CLTCL1: variants seen among roughly 807,000 people sequenced by gnomAD.
The protein encoded by CLTCL1 is clathrin heavy chain 2.
In CLTCL1, 159 loss-of-function variants were observed where a neutral mutation model predicts 190.0. The ratio of observed to expected loss-of-function variants is 0.84; its 90% CI spans 0.74 to 0.95. The LOEUF (loss-of-function observed/expected upper bound fraction) is 0.95, where lower values mean the gene tolerates loss of function less well. Ranked by LOEUF, CLTCL1 falls within the 40% of genes least tolerant of loss-of-function variation. The pLI is 0.00. For synonymous variants in CLTCL1, 752 were observed against 769.6 expected (o/e 0.98, Z 0.38); for missense variants, 1,878 against 2,033.4 (o/e 0.92, Z 1.47).
intron 2 of CLTCL1, among the ~76,000 whole-genome samples, chr22:19,270,547 G>A (rs2087277230): frequency 6.6e-6 from 1 of 151,796 alleles, no homozygotes; most frequent in East Asian, 2.0e-4. Context: ...CTAACATGGT[G>A]AAACCCCGTC....
At chr22:19,287,267 G>A (rs2087939372) in intron 1 of CLTCL1, among the ~76,000 whole-genome samples, 1 of 152,148 alleles carries the variant, frequency 6.6e-6, no homozygotes, top group Admixed American at 6.5e-5. Flanking sequence ...ACCCTGGGAA[G>A]AGTGTCATTA....
chr22:19,272,445 T>C (rs1386785362), intron 2 of CLTCL1, among the ~76,000 whole-genome samples: 4 of 151,982 alleles, frequency 2.6e-5, no homozygotes, highest in Admixed American at 2.0e-4. Context: ...CCCTTTTAAT[T>C]TTTTTTTGAG....
chr22:19,250,051 C>A (rs189315690), intron 3 of CLTCL1: 1 of 224,566 alleles, frequency 4.5e-6, no homozygotes, highest in Non-Finnish European at 9.4e-6. Flanking sequence ...GTCAGGAGTT[C>A]AAGACCAGCC....
Position 19,198,911 on chromosome 22 carries a change from T to G in CLTCL1, c.3873+823A>C, listed in dbSNP as rs1302417906. On this transcript the variant is annotated intron_variant, in intron 24 of 32. Transcript: ENST00000427926. The surrounding 1 kb of genome is among the most constrained non-coding windows in gnomAD (Gnocchi z 4.1). ...GACTAAATTGTTCTTTTGTCAGCCC[T>G]GTACTGCTTGATCACCCTCCCTGTT... Among the ~76,000 whole-genome samples the G allele has an allele frequency of 3.3e-5, 5 of 152,202 alleles. No individual in the cohort carries two copies. Among genetic ancestry groups the G allele is most frequent in the Admixed American group, 3.3e-4 (5 of 15,282 alleles).
rs558553969 is a variant in CLTCL1 at position 19,265,642 on chromosome 22, T to C, written c.250+9981A>G. Among the ~76,000 whole-genome samples, 262 of 152,248 alleles carry C rather than the reference T, an allele frequency of 1.7e-3. 3 individuals are homozygous for C. The highest frequency in any genetic ancestry group is 5.9e-3 in the African/African-American group (244 of 41,528). ...TTAACAGAAGTTAATATTAATAATC[T>C]GAAATCATTTGTGATGTTAGGATGC... is the stretch of plus-strand genomic sequence containing the variant. On this transcript the variant is annotated intron_variant, in intron 2 of 32. Coordinates refer to ENST00000427926, the MANE Select transcript of CLTCL1 (RefSeq NM_007098.4).
chr22:19,223,717 C>T (rs1054432458), intron 14 of CLTCL1, among the ~76,000 whole-genome samples, 174 bp downstream of exon 14: 7 of 152,184 alleles, frequency 4.6e-5, no homozygotes, highest in Admixed American at 1.3e-4. Flanking sequence ...ACTCTTAAAA[C>T]GATAGAAGGG....
At chr22:19,187,070 C>T (rs1569144749) in intron 29 of CLTCL1, among the ~76,000 whole-genome samples, 2 of 151,818 alleles carry the variant, frequency 1.3e-5, no homozygotes, top group Non-Finnish European at 2.9e-5. Context: ...TGGCTGGTAC[C>T]ACAGATGTCC....
chr22:19,235,681 G>C lies in CLTCL1; in HGVS notation c.969+15C>G, dbSNP rs373094922. 6.2e-7 allele frequency: 1 copy of C among 1,603,850 alleles called. No individual in the cohort carries two copies. Among genetic ancestry groups the C allele is most frequent in the Non-Finnish European group, 8.5e-7 (1 of 1,174,492 alleles). On this transcript the variant is annotated intron_variant, in intron 6 of 32. Coordinates refer to ENST00000427926, the MANE Select transcript of CLTCL1 (RefSeq NM_007098.4). ...GAATGGAAAAGGTAGAAAATGAAATGTCAGAGTTACACACCTGTCCCTTTT... is the reference window on the plus strand; with the variant it reads ...GAATGGAAAAGGTAGAAAATGAAATCTCAGAGTTACACACCTGTCCCTTTT...
rs781837385 is a variant in CLTCL1 at position 19,198,461 on chromosome 22, C to T, written c.3873+1273G>A. On this transcript the variant is annotated intron_variant, in intron 24 of 32. Transcript: ENST00000427926. This position sits in a 1 kb window ranked among gnomAD's most constrained non-coding sequence, Gnocchi z 4.1. ...CAAGTACAGCCCGTGACCTTCCTAA[C>T]GGCCTGAGATCTGGCCCTCCGTCAG... Among the ~76,000 whole-genome samples the T allele has an allele frequency of 1.8e-4, 28 of 152,220 alleles. No individual in the cohort carries two copies. The highest frequency in any genetic ancestry group is 3.7e-4 in the Non-Finnish European group (25 of 68,032).
Position 19,222,103 on chromosome 22 carries a change from T to C in CLTCL1, c.2419-10A>G. 6.2e-7 allele frequency: 1 copy of C among 1,612,786 alleles called. No homozygotes were observed. Among genetic ancestry groups the C allele is most frequent in the East Asian group, 2.2e-5 (1 of 44,862 alleles). On this transcript the variant is annotated splice_polypyrimidine_tract_variant and intron_variant, in intron 15 of 32. Coordinates refer to ENST00000427926, the MANE Select transcript of CLTCL1 (RefSeq NM_007098.4). ...TCCGGCTAGGGTTGACCTAGGGTAGTCAAGGTCAAGTAACTTCAGTGTTGC... is the reference window on the plus strand; with the variant it reads ...TCCGGCTAGGGTTGACCTAGGGTAGCCAAGGTCAAGTAACTTCAGTGTTGC...
At chr22:19,218,196 C>T (rs150381707) in intron 18 of CLTCL1, among the ~76,000 whole-genome samples, 147 of 152,274 alleles carry the variant, frequency 9.7e-4, no homozygotes, top group Middle Eastern at 6.8e-3. Flanking sequence ...CCGCTGGCTC[C>T]GGTATGGTGC....
chr22:19,226,762 G>C (rs962224339), intron 11 of CLTCL1, among the ~76,000 whole-genome samples: 3 of 151,758 alleles, frequency 2.0e-5, no homozygotes, highest in African/African-American at 4.8e-5. Context: ...TTTTGAGACA[G>C]AGTCTCACTC....
chr22:19,193,395 G>A (rs1555933620), intron 26 of CLTCL1, among the ~76,000 whole-genome samples: 1 of 152,200 alleles, frequency 6.6e-6, no homozygotes, highest in African/African-American at 2.4e-5. Flanking sequence ...CTGCACTACA[G>A]GAGGAATGGA....
chr22:19,281,745 G>A (rs1396955011), intron 1 of CLTCL1, among the ~76,000 whole-genome samples: 12 of 152,076 alleles, frequency 7.9e-5, no homozygotes. Flanking sequence ...GGGTTAATAC[G>A]GTGACATTCT....
At chr22:19,184,686 G>T in intron 29 of CLTCL1, 1 of 411,886 alleles carries the variant, frequency 2.4e-6, no homozygotes, top group Non-Finnish European at 4.9e-6. Context: ...TTCCACATGT[G>T]CCTAAAGTGG....
intron 18 of CLTCL1, 45 bp downstream of exon 18, chr22:19,219,840 A>G: frequency 3.1e-6 from 5 of 1,607,692 alleles, no homozygotes; most frequent in Non-Finnish European, 4.3e-6. Context: ...TGATGATCGG[A>G]CGGCAAAATG....
rs1283850869 is a variant in CLTCL1, at chr22:19,198,353, G to A, written c.3873+1381C>T. Reference sequence around the variant, plus strand: ...GCAACAGCCTCCAGCTGCTCTTCTGGCTCCTGTCCCTACTCCTCAAGTATG... The same window carrying A: ...GCAACAGCCTCCAGCTGCTCTTCTGACTCCTGTCCCTACTCCTCAAGTATG... On this transcript the variant is annotated intron_variant, in intron 24 of 32. Transcript: ENST00000427926. The surrounding 1 kb of genome is among the most constrained non-coding windows in gnomAD (Gnocchi z 4.1). Among the ~76,000 whole-genome samples the A allele has an allele frequency of 1.3e-5, 2 of 151,946 alleles. No individual in the cohort carries two copies. Among genetic ancestry groups the A allele is most frequent in the Non-Finnish European group, 2.9e-5 (2 of 68,008 alleles).
intron 2 of CLTCL1, among the ~76,000 whole-genome samples, chr22:19,274,817 C>T (rs2146286849): frequency 6.6e-6 from 1 of 151,840 alleles, no homozygotes; most frequent in South Asian, 2.1e-4. Flanking sequence ...GCAACCTCCA[C>T]CTCCTGGGTT....
chr22:19,244,218 C>T (rs2086348984), intron 3 of CLTCL1, among the ~76,000 whole-genome samples: 2 of 152,274 alleles, frequency 1.3e-5, no homozygotes, highest in South Asian at 4.1e-4. Flanking sequence ...AAGGCTTCAA[C>T]TTTGTCTTTA....
Sources: allele counts gnomAD v4.1 joint callset (sites outside exome capture counted in the v4.1 genomes callset), GRCh38; gene constraint gnomAD v4.1.1; non-coding constraint Gnocchi (gnomAD v3.1); transcripts MANE v1.5; gene names NCBI Gene and HGNC (gene_info 2026-07-23, HGNC 2026-07-21).